COL23A1: variants seen among roughly 807,000 people sequenced by gnomAD.
COL23A1 encodes the protein collagen alpha-1(XXIII) chain.
In COL23A1, 97 loss-of-function variants were observed where a neutral mutation model predicts 99.3. That is an observed-to-expected ratio of 0.98 (90% CI 0.83 to 1.16). The LOEUF (loss-of-function observed/expected upper bound fraction) is 1.16, where lower values mean the gene tolerates loss of function less well. Among genes scored for constraint, COL23A1 ranks in the 50% most tolerant of loss-of-function variants. The pLI is 0.00. For synonymous variants in COL23A1, 320 were observed against 308.2 expected (o/e 1.04, Z -0.40); for missense variants, 762 against 757.4 (o/e 1.01, Z -0.07).
chr5:178,341,928 C>T (rs1303509141), intron 2 of COL23A1, among the ~76,000 whole-genome samples: 1 of 152,190 alleles, frequency 6.6e-6, no homozygotes, highest in Non-Finnish European at 1.5e-5. Context: ...AAAACTGCCA[C>T]CCTCGCTCTC....
intron 2 of COL23A1, among the ~76,000 whole-genome samples, chr5:178,535,764 C>G (rs1206073598): frequency 2.0e-5 from 3 of 152,264 alleles, no homozygotes; most frequent in Non-Finnish European, 4.4e-5. Context: ...GAGAGGAGGT[C>G]CCAAGTGCTC....
intron 2 of COL23A1, among the ~76,000 whole-genome samples, chr5:178,349,194 AT>A (rs996797369): frequency 1.1e-4 from 17 of 152,116 alleles, no homozygotes; most frequent in South Asian, 2.1e-4. Flanking sequence ...CCATGCTTGG[AT>A]TTTTTTCCCC....
chr5:178,247,342 G>C (rs1253097825), intron 22 of COL23A1, among the ~76,000 whole-genome samples, 184 bp downstream of exon 22: 1 of 152,102 alleles, frequency 6.6e-6, no homozygotes, highest in Non-Finnish European at 1.5e-5. Flanking sequence ...GTGGAGAGGG[G>C]GGCATTGGCC....
chr5:178,440,916 C>T (rs910299299), intron 2 of COL23A1, among the ~76,000 whole-genome samples: 1 of 152,166 alleles, frequency 6.6e-6, no homozygotes, highest in African/African-American at 2.4e-5. Flanking sequence ...CATGCCCGGC[C>T]TACTGTTTCA....
intron 2 of COL23A1, among the ~76,000 whole-genome samples, chr5:178,385,322 T>C (rs1424940630): frequency 6.6e-6 from 1 of 152,160 alleles, no homozygotes; most frequent in African/African-American, 2.4e-5. Flanking sequence ...CGCGGGGAAT[T>C]CACAGAGGGA....
intron 2 of COL23A1, among the ~76,000 whole-genome samples, chr5:178,388,556 C>A (rs975544140): frequency 2.0e-5 from 3 of 152,220 alleles, no homozygotes; most frequent in African/African-American, 4.8e-5. Context: ...TGGGTTGCAG[C>A]ATCAGTGGCC....
chr5:178,272,020 T>C (rs114021173), intron 5 of COL23A1, among the ~76,000 whole-genome samples: 1,674 of 152,308 alleles, frequency 0.011, 36 homozygotes, highest in African/African-American at 0.039. Flanking sequence ...AGGCCCAGCA[T>C]CAGGGTCCTC....
intron 6 of COL23A1, 35 bp downstream of exon 6, chr5:178,270,302 C>T: frequency 6.2e-7 from 1 of 1,613,340 alleles, no homozygotes; most frequent in South Asian, 1.1e-5. Context: ...CAGCCCCAGC[C>T]CAGGACCCCC....
chr5:178,242,315 C>T, intron 26 of COL23A1, 26 bp downstream of exon 26: 1 of 1,612,030 alleles, frequency 6.2e-7, no homozygotes, highest in Non-Finnish European at 8.5e-7. Context: ...CTCCTCCTGC[C>T]CCAGCTCCCG....
At chr5:178,400,162 C>T (rs538160631) in intron 2 of COL23A1, among the ~76,000 whole-genome samples, 1 of 151,918 alleles carries the variant, frequency 6.6e-6, no homozygotes, top group African/African-American at 2.4e-5. Flanking sequence ...GTCAGGAGAT[C>T]GAGACCATCC....
chr5:178,417,808 C>T (rs940074558), intron 2 of COL23A1, among the ~76,000 whole-genome samples: 4 of 152,210 alleles, frequency 2.6e-5, no homozygotes, highest in Middle Eastern at 3.2e-3. Context: ...ACAAAATACC[C>T]GCAGAAACGA....
At chr5:178,502,712 A>G (rs956196465) in intron 2 of COL23A1, among the ~76,000 whole-genome samples, 1 of 152,252 alleles carries the variant, frequency 6.6e-6, no homozygotes, top group African/African-American at 2.4e-5. Flanking sequence ...CATATTGAAA[A>G]GCTGAACATT....
chr5:178,438,428 T>C (rs1361715978), intron 2 of COL23A1, among the ~76,000 whole-genome samples: 1 of 152,238 alleles, frequency 6.6e-6, no homozygotes, highest in Non-Finnish European at 1.5e-5. Context: ...TCCAGCCAGA[T>C]CTGGGGTCCT....
chr5:178,266,949 C>G (rs944653403), intron 8 of COL23A1, among the ~76,000 whole-genome samples: 3 of 152,266 alleles, frequency 2.0e-5, no homozygotes, highest in Non-Finnish European at 4.4e-5. Flanking sequence ...GGTGGCAGAG[C>G]TGAGCTTTGA....
Position 178,281,170 on chromosome 5 carries a change from A to G in COL23A1, c.441+7154T>C. On this transcript the variant is annotated intron_variant, in intron 5 of 28. Transcript: ENST00000390654. The surrounding 1 kb of genome is among the most constrained non-coding windows in gnomAD (Gnocchi z 4.0). ...TGTGGGGTGGCACTGTAGGGGTCAG[A>G]CGGAAATGAGATGGAGGATGTTGAA... Among the ~76,000 whole-genome samples, 1 of 152,196 alleles carries G rather than the reference A, an allele frequency of 6.6e-6. No homozygotes were observed. Among genetic ancestry groups the G allele is most frequent in the East Asian group, 1.9e-4 (1 of 5,198 alleles).
chr5:178,247,919 G>C, intron 20 of COL23A1, 88 bp from the exon 21 acceptor site: 1 of 1,199,548 alleles, frequency 8.3e-7, no homozygotes, highest in South Asian at 1.4e-5. Flanking sequence ...GCTGGATCGA[G>C]AGTCTCCTTC....
chr5:178,358,751 ATCTG>A (rs1762014702), intron 2 of COL23A1, among the ~76,000 whole-genome samples: 2 of 134,688 alleles, frequency 1.5e-5, no homozygotes, highest in Non-Finnish European at 3.3e-5. Flanking sequence ...CTGTGTGTGT[ATCTG>A]TGTGTGTGTA....
intron 2 of COL23A1, among the ~76,000 whole-genome samples, chr5:178,483,657 C>T (rs1757456357): frequency 6.6e-6 from 1 of 152,228 alleles, no homozygotes; most frequent in Non-Finnish European, 1.5e-5. Flanking sequence ...ACTTCTATTC[C>T]TAGGCATGAA....
At chr5:178,512,868 T>C (rs924495383) in intron 2 of COL23A1, among the ~76,000 whole-genome samples, 3 of 152,206 alleles carry the variant, frequency 2.0e-5, no homozygotes, top group African/African-American at 7.2e-5. Flanking sequence ...CACAAGCACA[T>C]GCATCTTTTC....
Sources: allele counts gnomAD v4.1 joint callset (sites outside exome capture counted in the v4.1 genomes callset), GRCh38; gene constraint gnomAD v4.1.1; non-coding constraint Gnocchi (gnomAD v3.1); transcripts MANE v1.5; gene names NCBI Gene and HGNC (gene_info 2026-07-23, HGNC 2026-07-21).